DIAPH2: variants seen among roughly 807,000 people sequenced by gnomAD.
The protein encoded by DIAPH2 is diaphanous related formin 2, also known as protein diaphanous homolog 2.
In DIAPH2, 35 loss-of-function variants were observed where a neutral mutation model predicts 92.7. That is an observed-to-expected ratio of 0.38 (90% CI 0.29 to 0.50). The LOEUF is 0.50. Ranked by LOEUF, DIAPH2 falls within the 20% of genes least tolerant of loss-of-function variation. The pLI is 0.94. For missense variants in DIAPH2, 701 were observed against 819.5 expected (o/e 0.86, Z 1.77); for synonymous variants, 301 against 280.4 (o/e 1.07, Z -0.73).
intron 9 of DIAPH2, among the ~76,000 whole-genome samples, chrX:96,926,696 G>GT (rs762775620): frequency 5.4e-5 from 6 of 111,624 alleles, no homozygotes; most frequent in Non-Finnish European, 9.4e-5. Context: ...AGAACTGGTA[G>GT]TTTTTAACTA....
At chrX:97,196,490 A>G (rs934199014) in intron 22 of DIAPH2, among the ~76,000 whole-genome samples, 9 of 111,639 alleles carry the variant, frequency 8.1e-5, no homozygotes, top group Non-Finnish European at 1.7e-4. Context: ...TAATAACGGG[A>G]TTTGTCATCA....
chrX:97,463,832 G>A (rs767580087), intron 26 of DIAPH2, among the ~76,000 whole-genome samples: 11 of 111,765 alleles, frequency 9.8e-5, no homozygotes, highest in African/African-American at 3.6e-4. Flanking sequence ...TCTGTGATGA[G>A]TTAGGAGATC....
chrX:97,204,659 A>G (rs2067780788), intron 22 of DIAPH2, among the ~76,000 whole-genome samples: 1 of 111,797 alleles, frequency 8.9e-6, no homozygotes, highest in Non-Finnish European at 1.9e-5. Flanking sequence ...CCACTGCTCA[A>G]GGAAATGAGA....
At chrX:97,235,598 C>T (rs1602437854) in intron 22 of DIAPH2, among the ~76,000 whole-genome samples, 1 of 58,592 alleles carries the variant, frequency 1.7e-5, no homozygotes, top group African/African-American at 6.3e-5. Context: ...GGCGAGACTA[C>T]GTCAAAAAAA....
At chrX:96,712,408 G>A (rs1451496466) in intron 1 of DIAPH2, among the ~76,000 whole-genome samples, 1 of 110,127 alleles carries the variant, frequency 9.1e-6, no homozygotes, top group Non-Finnish European at 1.9e-5. Flanking sequence ...TTAAAGTTAG[G>A]CATACAGAGG....
At position 96,981,175 on chromosome X, in the gene DIAPH2, GA is replaced by G. The variant is rs34704752; in HGVS notation, c.2050+15979del. On this transcript the variant is annotated intron_variant, in intron 17 of 26. Coordinates refer to ENST00000324765, the MANE Select transcript of DIAPH2 (RefSeq NM_006729.5). ...GATGACAGAGTGAACCCTATCTCGG[GA>G]AAAAAAAAAATTGTATACATAATCA... 9.1e-4 allele frequency among the ~76,000 whole-genome samples: 94 copies of G among 102,896 alleles called. No homozygotes were observed. The East Asian group carries it at 9.6e-3, about 10-fold the overall frequency. The allele number at this position is 102,896 out of a possible 115,157, so 89.4% of individuals were successfully genotyped here.
At chrX:96,848,341 A>G (rs962814509) in intron 4 of DIAPH2, among the ~76,000 whole-genome samples, 1 of 112,280 alleles carries the variant, frequency 8.9e-6, no homozygotes. Flanking sequence ...GTGCCTGGCC[A>G]AGGTTAGTAA....
At chrX:96,822,184 C>T (rs1030226403) in intron 4 of DIAPH2, among the ~76,000 whole-genome samples, 19 of 111,169 alleles carry the variant, frequency 1.7e-4, no homozygotes, top group Non-Finnish European at 3.4e-4. Context: ...CTTCTGGCCA[C>T]AAGAAACCAT....
chrX:97,304,038 A>G (rs2068727236), intron 23 of DIAPH2, among the ~76,000 whole-genome samples: 1 of 112,040 alleles, frequency 8.9e-6, no homozygotes, highest in African/African-American at 3.2e-5. Flanking sequence ...GGAGAAAAAA[A>G]TCAAATAGGA....
At chrX:96,753,984 G>A (rs966788105) in intron 3 of DIAPH2, among the ~76,000 whole-genome samples, 1 of 112,217 alleles carries the variant, frequency 8.9e-6, no homozygotes, top group Non-Finnish European at 1.9e-5. Context: ...TTTATTGGTG[G>A]AGACTAAGCC....
intron 25 of DIAPH2, among the ~76,000 whole-genome samples, chrX:97,409,502 C>A (rs190185652): frequency 9.0e-6 from 1 of 111,154 alleles, no homozygotes; most frequent in Admixed American, 9.5e-5. Context: ...GTACCTGGTT[C>A]ATCTCACTGG....
chrX:97,195,223 A>T (rs2067691848), intron 22 of DIAPH2, among the ~76,000 whole-genome samples: 1 of 112,403 alleles, frequency 8.9e-6, no homozygotes. Context: ...ATATAACATC[A>T]AAATATATTG....
chrX:97,072,699 G>A (rs766488086), intron 17 of DIAPH2, among the ~76,000 whole-genome samples: 11 of 111,747 alleles, frequency 9.8e-5, no homozygotes, highest in African/African-American at 3.6e-4. Context: ...GTAAGAAGGA[G>A]CAATTGATTT....
chrX:97,437,062 A>G (rs1254896610), intron 26 of DIAPH2, among the ~76,000 whole-genome samples: 2 of 111,695 alleles, frequency 1.8e-5, no homozygotes, highest in Non-Finnish European at 3.8e-5. Context: ...GCCAAAGACA[A>G]GCTCATAACA....
At chrX:97,544,299 T>A (rs1161137687) in intron 26 of DIAPH2, among the ~76,000 whole-genome samples, 1 of 112,440 alleles carries the variant, frequency 8.9e-6, no homozygotes, top group Non-Finnish European at 1.9e-5. Flanking sequence ...AGTACAATAT[T>A]AAATCAGTAA....
intron 3 of DIAPH2, among the ~76,000 whole-genome samples, chrX:96,757,216 C>G (rs2064237053): frequency 9.0e-6 from 1 of 111,346 alleles, no homozygotes; most frequent in Admixed American, 9.5e-5. Flanking sequence ...CGTGCCTGGC[C>G]TGTATATCTT....
chrX:96,925,887 G>T (rs751223023), intron 9 of DIAPH2, among the ~76,000 whole-genome samples: 2 of 111,259 alleles, frequency 1.8e-5, no homozygotes, highest in African/African-American at 6.5e-5. Context: ...ACTTCCGTTG[G>T]CTTGGAAAGT....
chrX:97,037,114 A>G (rs910280832), intron 17 of DIAPH2, among the ~76,000 whole-genome samples: 5 of 111,660 alleles, frequency 4.5e-5, no homozygotes, highest in Non-Finnish European at 9.4e-5. Context: ...CATTCATACA[A>G]TTGAATGTAT....
At chrX:97,588,324 A>G (rs1427277984) in intron 26 of DIAPH2, among the ~76,000 whole-genome samples, 2 of 112,298 alleles carry the variant, frequency 1.8e-5, no homozygotes, top group Non-Finnish European at 3.8e-5. Flanking sequence ...CTCCATTGTT[A>G]TAAGTGGTAA....
Sources: allele counts gnomAD v4.1 joint callset (sites outside exome capture counted in the v4.1 genomes callset), GRCh38; gene constraint gnomAD v4.1.1; transcripts MANE v1.5; gene names NCBI Gene and HGNC (gene_info 2026-07-23, HGNC 2026-07-21).